MYO9B: variants seen among roughly 807,000 people sequenced by gnomAD.
MYO9B encodes myosin IXB.
A neutral mutation model predicts 229.5 loss-of-function variants in MYO9B; 71 were observed. The observed-to-expected ratio is 0.31, with a 90% CI of 0.26 to 0.38. The LOEUF is 0.38. MYO9B is among the 10% of genes least tolerant of loss of function. The pLI is 1.00. For synonymous variants in MYO9B, 1,185 were observed against 1,235.8 expected (o/e 0.96, Z 0.86); for missense variants, 2,255 against 2,920.5 (o/e 0.77, Z 5.25).
Position 17,101,557 on chromosome 19 carries a change from C to T in MYO9B, c.-58-103C>T. The T allele has an allele frequency of 8.3e-7, 1 of 1,198,538 alleles. No individual in the cohort carries two copies. The highest frequency in any genetic ancestry group is 1.7e-5 in the South Asian group (1 of 60,602). 74.2% of individuals were successfully genotyped at this position (1,198,538 alleles called of 1,614,324 possible). A position where few individuals can be genotyped will look rare whatever the true frequency, so the allele number is the denominator to read the frequency against. ...GGCGAGCCTAGTCGGGTGGGGAACT[C>T]CAGCATCGGGTCAGGTGCTATCTGC... On this transcript the variant is annotated intron_variant, in intron 1 of 39. Transcript: ENST00000682292. The surrounding 1 kb of genome is among the most constrained non-coding windows in gnomAD (Gnocchi z 4.7).
Position 17,210,867 on chromosome 19 carries a change from T to C in MYO9B, c.5930+19T>C, listed in dbSNP as rs767775186. 6.3e-7 allele frequency: 1 copy of C among 1,579,524 alleles called. No individual in the cohort carries two copies. The highest frequency in any genetic ancestry group is 8.6e-7 in the Non-Finnish European group (1 of 1,164,162). ...AGGAGAAGCAAGTGGCTCAGTCCCC[T>C]CCCTCAGTCCTTCATGTTTAGGGCA... On this transcript the variant is annotated intron_variant, in intron 38 of 39. Transcript: ENST00000682292.
At chr19:17,108,236 T>G (rs1288743218) in intron 2 of MYO9B, among the ~76,000 whole-genome samples, 2 of 152,224 alleles carry the variant, frequency 1.3e-5, no homozygotes, top group African/African-American at 4.8e-5. Context: ...CCAGCGGTTC[T>G]AAGCCGCTCG....
intron 2 of MYO9B, among the ~76,000 whole-genome samples, chr19:17,144,241 A>G (rs576481112): frequency 6.6e-6 from 1 of 152,270 alleles, no homozygotes; most frequent in East Asian, 1.9e-4. Context: ...AGGTTAAAAA[A>G]TAAAGTTTAT....
At chr19:17,170,585 A>G (rs1310690405) in intron 11 of MYO9B, among the ~76,000 whole-genome samples, 1 of 141,890 alleles carries the variant, frequency 7.0e-6, no homozygotes, top group African/African-American at 2.6e-5. Context: ...GCCGAGGTGG[A>G]GGATCATTTG....
intron 14 of MYO9B, 81 bp downstream of exon 14, chr19:17,175,822 T>A: frequency 2.3e-6 from 2 of 854,216 alleles, no homozygotes; most frequent in Non-Finnish European, 3.4e-6. Flanking sequence ...GAATGCTACA[T>A]TCTTTTTTTT....
At chr19:17,154,167 G>T (rs947093900) in intron 5 of MYO9B, 101 bp downstream of exon 5, 1 of 1,344,788 alleles carries the variant, frequency 7.4e-7, no homozygotes, top group Admixed American at 1.7e-5. Flanking sequence ...CCTGGCCCCC[G>T]AACCCGCTCC....
intron 3 of MYO9B, among the ~76,000 whole-genome samples, chr19:17,146,042 TATGG>T (rs944568221): frequency 6.7e-6 from 1 of 150,070 alleles, no homozygotes; most frequent in Non-Finnish European, 1.5e-5. Flanking sequence ...TAGACAGATT[TATGG>T]ATGGATGGAT....
At chr19:17,153,883 C>T (rs2072508263) in intron 4 of MYO9B, 84 bp from the exon 5 acceptor site, 3 of 1,000,170 alleles carry the variant, frequency 3.0e-6, no homozygotes, top group East Asian at 4.8e-5. Context: ...GTGTGCTCTC[C>T]AAAGCCATGT....
chr19:17,096,663 T>G (rs886568095), intron 1 of MYO9B, among the ~76,000 whole-genome samples: 1 of 115,694 alleles, frequency 8.6e-6, no homozygotes, highest in Non-Finnish European at 1.7e-5. Context: ...GTTCAGATAG[T>G]TTGTTGTTGT....
chr19:17,177,231 C>G (rs1314175437), intron 14 of MYO9B, among the ~76,000 whole-genome samples: 1 of 151,642 alleles, frequency 6.6e-6, no homozygotes, highest in Non-Finnish European at 1.5e-5. Context: ...ACCTTTTTCA[C>G]CCAAAATGGG....
At chr19:17,169,715 C>T (rs889659173) in intron 11 of MYO9B, among the ~76,000 whole-genome samples, 3 of 151,364 alleles carry the variant, frequency 2.0e-5, no homozygotes, top group Admixed American at 6.6e-5. Flanking sequence ...CTTTTGGCCA[C>T]ATCACTCCAG....
chr19:17,134,377 G>GTTTTTTTTTTTTTTTTTTTTTTTT (rs1568267173), intron 2 of MYO9B, among the ~76,000 whole-genome samples: 2 of 39,726 alleles, frequency 5.0e-5, no homozygotes, highest in African/African-American at 1.9e-4. Flanking sequence ...TTTTCGTTTT[G>GTTTTTTTTTTTTTTTTTTTTTTTT]TTTGTTTTTT....
At chr19:17,158,258 ATCTGCTGGGATAT>A (rs1194959468) in intron 7 of MYO9B, among the ~76,000 whole-genome samples, 2 of 152,168 alleles carry the variant, frequency 1.3e-5, no homozygotes, top group Admixed American at 6.5e-5. Flanking sequence ...ATATGTGAGC[ATCTGCTGGGATAT>A]TTAGAGAAAG....
intron 6 of MYO9B, among the ~76,000 whole-genome samples, chr19:17,154,700 G>A (rs1193760341): frequency 2.0e-5 from 3 of 152,148 alleles, no homozygotes; most frequent in Admixed American, 6.6e-5. Context: ...GCTCACTCAC[G>A]CCTGTAATCC....
intron 2 of MYO9B, among the ~76,000 whole-genome samples, chr19:17,130,392 G>A (rs1044754540): frequency 6.6e-5 from 10 of 152,076 alleles, no homozygotes; most frequent in African/African-American, 1.9e-4. Context: ...CGAGGCAGGC[G>A]GATCACGAGG....
Position 17,195,468 on chromosome 19 carries a change from C to T in MYO9B, c.4041C>T (p.Pro1347=). The T allele has an allele frequency of 1.3e-6, 2 of 1,592,808 alleles. No homozygotes were observed. The highest frequency in any genetic ancestry group is 1.1e-5 in the South Asian group (1 of 89,486). ...RHRATGAALT[P]TEERRTSFST... ...GGGCCACAGGGGCCGCCCTCACGCC[C>T]ACAGAGTAAGCCCCACACCCTCTTT... Residue 1347 remains proline, a synonymous_variant, in exon 22 of 40, where the codon CCC becomes CCT. Coordinates refer to ENST00000682292, the MANE Select transcript of MYO9B (RefSeq NM_004145.4). This position sits in a 1 kb window ranked among gnomAD's most constrained non-coding sequence, Gnocchi z 4.5.
Position 17,172,366 on chromosome 19 carries a change from G to A in MYO9B, c.1824G>A (p.Leu608=). The A allele has an allele frequency of 6.2e-7, 1 of 1,613,958 alleles. No individual in the cohort carries two copies. The highest frequency in any genetic ancestry group is 8.5e-7 in the Non-Finnish European group (1 of 1,179,880). ...CCCACGCCACGAGCCAGACCCTGCT[G>A]GCCAAGTTCAAACAGCAACATGAGG... ...NFPHATSQTL[L]AKFKQQHEDN... The change falls in exon 12 of 40, where the codon CTG becomes CTA. Residue 608 remains leucine, a synonymous_variant. Transcript: ENST00000682292. The surrounding 1 kb of genome is among the most constrained non-coding windows in gnomAD (Gnocchi z 8.2).
In MYO9B at chr19:17,139,660, G is replaced by A. The variant is rs114538629; in HGVS notation, c.841-5737G>A. Reference sequence around the variant, plus strand: ...GCTTGAGGCGGGAGGATCACCTTGAGCTCTGGAGGTTGAGGCTGCAGTGAG... The same window carrying A: ...GCTTGAGGCGGGAGGATCACCTTGAACTCTGGAGGTTGAGGCTGCAGTGAG... On this transcript the variant is annotated intron_variant, in intron 2 of 39. Coordinates refer to ENST00000682292, the MANE Select transcript of MYO9B (RefSeq NM_004145.4). 5.2e-3 allele frequency among the ~76,000 whole-genome samples: 788 copies of A among 151,652 alleles called. 5 individuals are homozygous for A. Among genetic ancestry groups the A allele is most frequent in the African/African-American group, 0.019 (768 of 41,308 alleles).
In MYO9B at chr19:17,183,809, C is replaced by T. The variant is rs1485842665; in HGVS notation, c.2334-20C>T. The T allele has an allele frequency of 1.3e-6, 2 of 1,553,528 alleles. No individual in the cohort carries two copies. Among genetic ancestry groups the T allele is most frequent in the East Asian group, 2.3e-5 (1 of 42,738 alleles). On this transcript the variant is annotated intron_variant, in intron 15 of 39. Transcript: ENST00000682292. ...ACTGTGTTCCTTTTGTTCACAAAAC[C>T]ATTTTTAATATTTTGACAGGAAAAG...
Sources: allele counts gnomAD v4.1 joint callset (sites outside exome capture counted in the v4.1 genomes callset), GRCh38; gene constraint gnomAD v4.1.1; non-coding constraint Gnocchi (gnomAD v3.1); transcripts MANE v1.5; gene names NCBI Gene and HGNC (gene_info 2026-07-23, HGNC 2026-07-21).